PACRG: variants seen among roughly 807,000 people sequenced by gnomAD.
PACRG encodes parkin coregulated, also known as parkin coregulated gene protein.
Under a neutral mutation model 29.7 loss-of-function variants are expected in PACRG, and 29 were observed. The ratio of observed to expected loss-of-function variants is 0.98; its 90% CI spans 0.73 to 1.33. PACRG has a LOEUF of 1.33. Among genes scored for constraint, PACRG ranks in the 40% most tolerant of loss-of-function variants. The pLI, the probability that PACRG is intolerant of heterozygous loss-of-function variation, is 0.00. For synonymous variants in PACRG, 116 were observed against 118.7 expected (o/e 0.98, Z 0.15); for missense variants, 279 against 316.2 (o/e 0.88, Z 0.89).
chr6:162,861,910 C>A (rs1791892976), intron 2 of PACRG, among the ~76,000 whole-genome samples: 1 of 152,156 alleles, frequency 6.6e-6, no homozygotes, highest in South Asian at 2.1e-4. Flanking sequence ...AGTGGGATTT[C>A]TGTATCTGCT....
intron 4 of PACRG, among the ~76,000 whole-genome samples, chr6:163,127,287 G>C (rs966984960): frequency 6.6e-6 from 1 of 152,202 alleles, no homozygotes; most frequent in Non-Finnish European, 1.5e-5. Flanking sequence ...ATGACATTTT[G>C]TCAAATTGTG....
intron 2 of PACRG, among the ~76,000 whole-genome samples, chr6:162,952,085 A>C (rs530570480): frequency 6.6e-6 from 1 of 152,330 alleles, no homozygotes; most frequent in East Asian, 1.9e-4. Context: ...TGACAGGGGT[A>C]ATGATCCTTT....
chr6:162,976,219 C>T (rs1259568014), intron 2 of PACRG, among the ~76,000 whole-genome samples: 1 of 152,148 alleles, frequency 6.6e-6, no homozygotes, highest in Non-Finnish European at 1.5e-5. Context: ...TGTTTTAAAA[C>T]TTAAATTGTA....
chr6:163,184,230 A>T (rs1402111276), intron 4 of PACRG, among the ~76,000 whole-genome samples: 1 of 152,228 alleles, frequency 6.6e-6, no homozygotes, highest in African/African-American at 2.4e-5. Flanking sequence ...AATATGCAGG[A>T]TGCATAGATA....
chr6:163,094,300 T>G (rs1476062257), intron 4 of PACRG, among the ~76,000 whole-genome samples: 4 of 152,264 alleles, frequency 2.6e-5, no homozygotes, highest in African/African-American at 9.6e-5. Flanking sequence ...ATTTACATTT[T>G]AGAAATTTAC....
At chr6:163,001,065 G>T (rs758849814) in intron 2 of PACRG, among the ~76,000 whole-genome samples, 2 of 152,166 alleles carry the variant, frequency 1.3e-5, no homozygotes, top group Non-Finnish European at 2.9e-5. Context: ...CACTTGCGAG[G>T]CCTTGGGGAT....
chr6:162,928,733 G>A (rs913699890), intron 2 of PACRG, among the ~76,000 whole-genome samples: 1 of 151,514 alleles, frequency 6.6e-6, no homozygotes, highest in South Asian at 2.1e-4. Context: ...ATTGTATATG[G>A]CTATATGTAT....
At chr6:162,933,435 G>A (rs1797998149) in intron 2 of PACRG, among the ~76,000 whole-genome samples, 1 of 152,034 alleles carries the variant, frequency 6.6e-6, no homozygotes, top group East Asian at 1.9e-4. Context: ...TAAAAGTGGG[G>A]TATTGAAGTC....
chr6:162,886,420 AT>A (rs1794337826), intron 2 of PACRG, among the ~76,000 whole-genome samples: 2 of 151,994 alleles, frequency 1.3e-5, no homozygotes, highest in African/African-American at 4.8e-5. Flanking sequence ...AACCTGTTTC[AT>A]TCTTATGTAT....
intron 3 of PACRG, among the ~76,000 whole-genome samples, chr6:163,068,510 G>A (rs1811755239): frequency 6.6e-6 from 1 of 150,852 alleles, no homozygotes; most frequent in African/African-American, 2.4e-5. Flanking sequence ...ATTTTCCCAG[G>A]AAATTTCAAT....
At chr6:162,738,809 A>ATT (rs1780358669) in intron 1 of PACRG, among the ~76,000 whole-genome samples, 1 of 152,128 alleles carries the variant, frequency 6.6e-6, no homozygotes, top group Non-Finnish European at 1.5e-5. Context: ...ACACTTTGAT[A>ATT]TTTCTAGTTA....
intron 4 of PACRG, among the ~76,000 whole-genome samples, chr6:163,290,730 A>G (rs2128186938): frequency 6.6e-6 from 1 of 152,342 alleles, no homozygotes; most frequent in East Asian, 1.9e-4. Context: ...CGGTGTTAGC[A>G]CTGTCGCTAT....
chr6:162,860,105 A>C (rs775612167), intron 2 of PACRG, among the ~76,000 whole-genome samples: 1 of 152,168 alleles, frequency 6.6e-6, no homozygotes, highest in Non-Finnish European at 1.5e-5. Flanking sequence ...ACAAAAAAAG[A>C]CTAGTTTTTA....
At chr6:162,933,593 T>C (rs997887828) in intron 2 of PACRG, among the ~76,000 whole-genome samples, 11 of 147,610 alleles carry the variant, frequency 7.5e-5, no homozygotes, top group African/African-American at 2.8e-4. Context: ...TATAATGACT[T>C]TCTGTATCTT....
At chr6:163,164,509 G>A (rs1778706769) in intron 4 of PACRG, among the ~76,000 whole-genome samples, 1 of 152,210 alleles carries the variant, frequency 6.6e-6, no homozygotes, top group African/African-American at 2.4e-5. Flanking sequence ...GGTTATTAAG[G>A]GACCTCGGGC....
At chr6:162,831,997 G>T (rs376682704) in intron 2 of PACRG, among the ~76,000 whole-genome samples, 4 of 152,182 alleles carry the variant, frequency 2.6e-5, no homozygotes, top group African/African-American at 9.7e-5. Context: ...ATAATAGAAT[G>T]ATTTATATTC....
At chr6:163,231,273 A>T (rs9458758) in intron 4 of PACRG, among the ~76,000 whole-genome samples, 8 of 151,802 alleles carry the variant, frequency 5.3e-5, no homozygotes, top group Admixed American at 4.6e-4. Flanking sequence ...GTCTTTTCTT[A>T]TGTCCTGTGA....
At chr6:163,291,264 C>G (rs1371048847) in intron 4 of PACRG, among the ~76,000 whole-genome samples, 5 of 128,414 alleles carry the variant, frequency 3.9e-5, no homozygotes, top group African/African-American at 1.6e-4. Flanking sequence ...TGCAAGATGA[C>G]CCCTCTGCCC....
intron 4 of PACRG, among the ~76,000 whole-genome samples, chr6:163,208,339 G>A (rs1432139864): frequency 6.6e-6 from 1 of 151,048 alleles, no homozygotes; most frequent in Non-Finnish European, 1.5e-5. Context: ...TGAAGATGAC[G>A]GTGGTAGTGC....
Sources: allele counts gnomAD v4.1 joint callset (sites outside exome capture counted in the v4.1 genomes callset), GRCh38; gene constraint gnomAD v4.1.1; transcripts MANE v1.5; gene names NCBI Gene and HGNC (gene_info 2026-07-23, HGNC 2026-07-21).